The following PPP1R8 variants were observed in gnomAD, a reference collection of about 807,000 sequenced individuals.
PPP1R8 encodes protein phosphatase 1 regulatory subunit 8, also known as nuclear inhibitor of protein phosphatase 1.
PPP1R8 carries 4 observed loss-of-function variants against 31.3 expected under a neutral mutation model. That is an observed-to-expected ratio of 0.13 (90% confidence interval 0.06 to 0.29). The LOEUF (loss-of-function observed/expected upper bound fraction) is 0.29. Ranked by LOEUF, PPP1R8 falls within the 10% of genes least tolerant of loss-of-function variation. PPP1R8 has a pLI of 1.00. For synonymous variants in PPP1R8, 170 were observed against 169.7 expected (o/e 1.00, Z -0.01); for missense variants, 254 against 440.1 (o/e 0.58, Z 3.78).
Position 27,831,815 on chromosome 1 carries a change from G to A in PPP1R8, c.56+924G>A, listed in dbSNP as rs138094239. On this transcript the variant is annotated intron_variant, in intron 1 of 6. Coordinates refer to ENST00000311772, the MANE Select transcript of PPP1R8 (RefSeq NM_014110.5). ...GTTGGGGCAGGATTGTGAGATGACT[G>A]TGTTGAATCTTCAGTTAGCTAGACA... 2.7e-3 allele frequency among the ~76,000 whole-genome samples: 404 copies of A among 152,302 alleles called. 1 individual carries two copies. Among genetic ancestry groups the A allele is most frequent in the Middle Eastern group, 6.8e-3 (2 of 294 alleles).
At chr1:27,838,883 C>T in intron 3 of PPP1R8, 31 bp downstream of exon 3, 3 of 1,479,934 alleles carry the variant, frequency 2.0e-6, no homozygotes, top group Non-Finnish European at 2.7e-6. Context: ...TCACATGTTA[C>T]CTTTAGGCAA....
intron 2 of PPP1R8, among the ~76,000 whole-genome samples, chr1:27,835,959 G>T (rs2089160796): frequency 6.6e-6 from 1 of 152,214 alleles, no homozygotes; most frequent in Non-Finnish European, 1.5e-5. Flanking sequence ...GCGCCTAGCA[G>T]TTGTTACTGT....
intron 2 of PPP1R8, among the ~76,000 whole-genome samples, chr1:27,833,987 T>C (rs192495056): frequency 2.6e-4 from 40 of 152,368 alleles, no homozygotes; most frequent in Admixed American, 2.6e-3. Context: ...CTCAAGATTA[T>C]TCAAAGAAAT....
intron 2 of PPP1R8, among the ~76,000 whole-genome samples, chr1:27,834,782 C>T (rs1368628523): frequency 2.0e-5 from 3 of 152,082 alleles, no homozygotes; most frequent in African/African-American, 7.2e-5. Context: ...CTTTGGGAGG[C>T]CGAGGCGGGC....
At chr1:27,849,681 G>A (rs1571558642) in intron 6 of PPP1R8, among the ~76,000 whole-genome samples, 1 of 152,080 alleles carries the variant, frequency 6.6e-6, no homozygotes. Context: ...TAGAGATGGG[G>A]TTTTGCCATG....
intron 5 of PPP1R8, among the ~76,000 whole-genome samples, chr1:27,846,273 ACTC>A (rs2089279560): frequency 6.6e-6 from 1 of 151,702 alleles, no homozygotes; most frequent in African/African-American, 2.4e-5. Flanking sequence ...CAGTGAGAAA[ACTC>A]CACCATCCTT....
intron 6 of PPP1R8, among the ~76,000 whole-genome samples, chr1:27,849,529 C>G (rs1259532419): frequency 2.0e-5 from 3 of 151,880 alleles, no homozygotes; most frequent in Non-Finnish European, 4.4e-5. Flanking sequence ...CAGAGTCTTA[C>G]TCTGTCACCC....
At chr1:27,846,825 C>T (rs144912456) in intron 5 of PPP1R8, among the ~76,000 whole-genome samples, 140 of 152,340 alleles carry the variant, frequency 9.2e-4, no homozygotes, top group African/African-American at 3.2e-3. Flanking sequence ...TTTGCTTTCT[C>T]ATCTACTAAA....
chr1:27,834,396 T>G (rs769105449), intron 2 of PPP1R8: 2 of 517,582 alleles, frequency 3.9e-6, no homozygotes, highest in Non-Finnish European at 7.7e-6. Flanking sequence ...AGATTTAAAC[T>G]TGATCAGCAC....
chr1:27,832,541 T>G (rs961059473), intron 1 of PPP1R8, among the ~76,000 whole-genome samples: 3 of 152,154 alleles, frequency 2.0e-5, no homozygotes, highest in African/African-American at 7.2e-5. Context: ...TAAATACAGA[T>G]CTACTAAAAT....
intron 2 of PPP1R8, among the ~76,000 whole-genome samples, chr1:27,833,059 G>A (rs749174399): frequency 1.3e-5 from 2 of 151,986 alleles, no homozygotes; most frequent in African/African-American, 4.8e-5. Context: ...GGGTCCTGTG[G>A]GCCCCAGTCA....
chr1:27,843,040 A>G, intron 4 of PPP1R8, 146 bp from the exon 5 acceptor site: 2 of 877,114 alleles, frequency 2.3e-6, no homozygotes, highest in Non-Finnish European at 3.5e-6. Flanking sequence ...GACAGTATGA[A>G]TCTTCTCTAA....
intron 2 of PPP1R8, among the ~76,000 whole-genome samples, chr1:27,836,131 A>G (rs571679491): frequency 7.9e-4 from 121 of 152,346 alleles, no homozygotes; most frequent in African/African-American, 2.8e-3. Context: ...GCTTTATGCT[A>G]TATTTTCTCA....
intron 2 of PPP1R8, among the ~76,000 whole-genome samples, chr1:27,837,455 AG>A (rs1265798727): frequency 1.3e-5 from 2 of 149,850 alleles, no homozygotes; most frequent in East Asian, 3.9e-4. Context: ...TACTGTCTTG[AG>A]GGCAGGCCAC....
intron 2 of PPP1R8, among the ~76,000 whole-genome samples, chr1:27,836,094 G>A (rs1238846451): frequency 6.6e-6 from 1 of 152,092 alleles, no homozygotes; most frequent in Admixed American, 6.5e-5. Flanking sequence ...TTCCCAGCCG[G>A]GTACTAACTT....
At chr1:27,831,139 A>G (rs2089099032) in intron 1 of PPP1R8, 4 of 1,285,988 alleles carry the variant, frequency 3.1e-6, no homozygotes, top group Non-Finnish European at 2.9e-6. Flanking sequence ...AGCCCCTTTG[A>G]GCGATTAGCC....
intron 6 of PPP1R8, among the ~76,000 whole-genome samples, 194 bp downstream of exon 6, chr1:27,847,286 C>G (rs1464726291): frequency 1.3e-5 from 2 of 152,144 alleles, no homozygotes; most frequent in Non-Finnish European, 2.9e-5. Context: ...GCAGGCAGAT[C>G]ACCTGAGGTC....
chr1:27,845,763 T>TTTTCTTTC (rs763071481), intron 5 of PPP1R8, among the ~76,000 whole-genome samples: 1 of 142,930 alleles, frequency 7.0e-6, no homozygotes, highest in Non-Finnish European at 1.5e-5. Flanking sequence ...TTCTGGGAGT[T>TTTTCTTTC]TTTCTTTCTT....
rs543286758 is a variant in PPP1R8 at position 27,844,237 on chromosome 1, A to G, written c.637+907A>G. Reference sequence around the variant, plus strand: ...AGGCTGGTCTTGACCTCCTGGGCTTAAGCGATCCTCCTGCCTCAGTCTCCC... The same window carrying G: ...AGGCTGGTCTTGACCTCCTGGGCTTGAGCGATCCTCCTGCCTCAGTCTCCC... On this transcript the variant is annotated intron_variant, in intron 5 of 6. Transcript: ENST00000311772. Among the ~76,000 whole-genome samples the G allele has an allele frequency of 1.2e-3, 181 of 152,288 alleles. 3 individuals carry two copies. Among genetic ancestry groups the G allele is most frequent in the Non-Finnish European group, 1.0e-4 (7 of 68,014 alleles).
Sources: gnomAD v4.1 joint callset for allele counts (sites outside exome capture counted in the v4.1 genomes callset) on GRCh38, gnomAD v4.1.1 for gene constraint, MANE v1.5 for transcripts, NCBI Gene and HGNC (gene_info 2026-07-23, HGNC 2026-07-21) for gene names.